Variants in CREBZF observed in about 807,000 individuals in gnomAD.
CREBZF encodes CREB/ATF bZIP transcription factor.
CREBZF carries 8 observed loss-of-function variants against 21.1 expected under a neutral mutation model. The ratio of observed to expected loss-of-function variants is 0.38; its 90% CI spans 0.22 to 0.68. CREBZF has a LOEUF of 0.68. Among genes scored for constraint, CREBZF ranks in the 30% least tolerant of loss-of-function variants. The pLI, the probability that CREBZF is intolerant of heterozygous loss-of-function variation, is 0.51. For missense variants in CREBZF, 518 were observed against 484.3 expected (o/e 1.07, Z -0.65); for synonymous variants, 270 against 223.3 (o/e 1.21, Z -1.86).
intron 1 of CREBZF, among the ~76,000 whole-genome samples, chr11:85,676,454 C>T (rs1438757337): frequency 6.6e-6 from 1 of 152,150 alleles, no homozygotes; most frequent in Non-Finnish European, 1.5e-5. Flanking sequence ...TGTACTCTGA[C>T]ACAAAATGAG....
rs547062134 is a variant in CREBZF at position 85,673,025 on chromosome 11, T to C, written n.148-9424A>G. Among the ~76,000 whole-genome samples, 4 of 152,334 alleles carry C rather than the reference T, an allele frequency of 2.6e-5. No homozygotes were observed. In the East Asian group the frequency reaches 7.7e-4, roughly 29 times the overall value. ...GAGGAAACCAAGGGTCCTTGCCTCATTTGCACCTTCCAAATATGGCTGCAG... is the reference window on the plus strand; with the variant it reads ...GAGGAAACCAAGGGTCCTTGCCTCACTTGCACCTTCCAAATATGGCTGCAG... On this transcript the variant is annotated intron_variant and non_coding_transcript_variant, in intron 1 of 3. Coordinates refer to the CREBZF transcript ENST00000531515.
At chr11:85,671,482 G>A (rs894009772) in intron 1 of CREBZF, among the ~76,000 whole-genome samples, 11 of 152,296 alleles carry the variant, frequency 7.2e-5, no homozygotes, top group Non-Finnish European at 1.5e-4. Flanking sequence ...ACAGTCCAAA[G>A]TCTCATTGGA....
At chr11:85,671,372 A>G (rs1475352992) in intron 1 of CREBZF, among the ~76,000 whole-genome samples, 1 of 152,218 alleles carries the variant, frequency 6.6e-6, no homozygotes, top group Non-Finnish European at 1.5e-5. Context: ...GCCAAACAAC[A>G]TAATTCTGCT....
At position 85,663,682 on chromosome 11, in the gene CREBZF, TAAGA is replaced by T; in HGVS notation, c.*125_*128del. The T allele has an allele frequency of 6.2e-7, 1 of 1,610,290 alleles. No homozygotes were observed. The highest frequency in any genetic ancestry group is 8.5e-7 in the Non-Finnish European group (1 of 1,178,438). ...CATTCATGCTTTTAGCTAAACACTT[TAAGA>T]TTCAATATTACTTTTTTTCTCTCCT... is the stretch of plus-strand genomic sequence containing the variant. On this transcript the variant is annotated 3_prime_UTR_variant, in exon 1 of 1. Transcript: ENST00000527447.
chr11:85,669,404 AC>A (rs2082896148), upstream of CREBZF, among the ~76,000 whole-genome samples: 1 of 9,932 alleles, frequency 1.0e-4, no homozygotes, highest in African/African-American at 2.2e-3. Context: ...GTCATTCTAC[AC>A]ACACACACAC....
chr11:85,680,168 T>C (rs2082967604), intron 1 of CREBZF, among the ~76,000 whole-genome samples: 1 of 152,214 alleles, frequency 6.6e-6, no homozygotes, highest in Admixed American at 6.5e-5. Flanking sequence ...GAATATAGTA[T>C]AATATGGATA....
At position 85,662,620 on chromosome 11, in the gene CREBZF, T is replaced by C. The variant is rs1591477250; in HGVS notation, c.*1191A>G. Reference sequence around the variant, plus strand: ...GGGAATAAATCCCACCTTAGGAAAATAGTACCAATCGTGTCATTTAAGTGG... The same window carrying C: ...GGGAATAAATCCCACCTTAGGAAAACAGTACCAATCGTGTCATTTAAGTGG... On this transcript the variant is annotated 3_prime_UTR_variant, in exon 1 of 1. Coordinates refer to ENST00000527447, the MANE Select transcript of CREBZF (RefSeq NM_001039618.4). The C allele has an allele frequency of 6.0e-6, 3 of 497,148 alleles. No homozygotes were observed. Among genetic ancestry groups the C allele is most frequent in the South Asian group, 3.7e-5 (1 of 26,940 alleles). The allele number at this position is 497,148 out of a possible 1,614,324, so 30.8% of individuals were successfully genotyped here.
chr11:85,664,775 T>G lies in CREBZF; in HGVS notation c.101A>C (p.Asp34Ala), dbSNP rs750491147. The change falls in exon 1 of 1, where the codon GAC becomes GCC. Residue 34 changes from aspartate to alanine, a missense_variant. Asp to Ala is a moderately radical substitution (Grantham distance 126). Around this residue, in one of 3 missense-constraint regions of CREBZF, gnomAD observed 396 missense variants for 324.4 expected, o/e 1.22. Transcript: ENST00000527447. The surrounding 1 kb of genome is among the most constrained non-coding windows in gnomAD (Gnocchi z 5.5). The part of the protein sequence containing the change: ...EPAATCSLPS[D>A]LTRAAAGEEE... ...CTCCCCCGCTGCAGCCCGGGTCAGG[T>G]CAGAGGGCAGCGAACAAGTTGCAGC... The G allele has an allele frequency of 6.3e-7, 1 of 1,594,822 alleles. No individual in the cohort carries two copies. Among genetic ancestry groups the G allele is most frequent in the Non-Finnish European group, 8.5e-7 (1 of 1,173,608 alleles).
intron 1 of CREBZF, among the ~76,000 whole-genome samples, chr11:85,676,968 G>GTTTTTTTTTTTTTT (rs1565814476): frequency 7.3e-5 from 6 of 82,428 alleles, no homozygotes; most frequent in African/African-American, 1.1e-4. Flanking sequence ...TTCTTTTTCT[G>GTTTTTTTTTTTTTT]TCTTTTTTTT....
At chr11:85,673,677 T>A (rs2082926594) in intron 1 of CREBZF, among the ~76,000 whole-genome samples, 1 of 152,186 alleles carries the variant, frequency 6.6e-6, no homozygotes, top group Non-Finnish European at 1.5e-5. Flanking sequence ...CAACTGACAC[T>A]TCCTTTCATG....
In CREBZF at chr11:85,663,767, G is replaced by C; in HGVS notation, c.*44C>G. The C allele has an allele frequency of 3.8e-6, 6 of 1,583,456 alleles. No individual in the cohort carries two copies. Among genetic ancestry groups the C allele is most frequent in the Non-Finnish European group, 4.3e-6 (5 of 1,166,324 alleles). On this transcript the variant is annotated 3_prime_UTR_variant, in exon 1 of 1. Coordinates refer to ENST00000527447, the MANE Select transcript of CREBZF (RefSeq NM_001039618.4). Reference sequence around the variant, plus strand: ...AAGGTAAGTTTGACATGGTGTAAGGGAGTTGAAAGGGGTAAACGCGGATAA... The same window carrying C: ...AAGGTAAGTTTGACATGGTGTAAGGCAGTTGAAAGGGGTAAACGCGGATAA...
intron 1 of CREBZF, among the ~76,000 whole-genome samples, chr11:85,678,678 A>G (rs138158788): frequency 2.1e-4 from 32 of 152,302 alleles, no homozygotes; most frequent in Non-Finnish European, 4.1e-4. Context: ...AGCCTTTTGG[A>G]TAATTCTTTT....
chr11:85,673,239 G>T (rs943083500), intron 1 of CREBZF, among the ~76,000 whole-genome samples: 1 of 152,198 alleles, frequency 6.6e-6, no homozygotes, highest in Non-Finnish European at 1.5e-5. Context: ...CTATAGCAGA[G>T]AATTGGAGCA....
chr11:85,680,306 T>A (rs1267017136), intron 1 of CREBZF, among the ~76,000 whole-genome samples: 3 of 152,264 alleles, frequency 2.0e-5, no homozygotes, highest in Non-Finnish European at 4.4e-5. Context: ...ACCTGTTCCC[T>A]ATTGATGGTA....
chr11:85,679,209 A>G (rs895602001), intron 1 of CREBZF, among the ~76,000 whole-genome samples: 6 of 152,206 alleles, frequency 3.9e-5, no homozygotes, highest in African/African-American at 1.4e-4. Context: ...TACACATTCT[A>G]CAGATACCTT....
chr11:85,670,734 A>G (rs2082906444), intron 1 of CREBZF, among the ~76,000 whole-genome samples: 1 of 152,212 alleles, frequency 6.6e-6, no homozygotes, highest in Admixed American at 6.5e-5. Context: ...ATAGATTAGA[A>G]GAAGAGGTTG....
chr11:85,665,771 A>T (rs1337293192), upstream of CREBZF, among the ~76,000 whole-genome samples: 2 of 152,166 alleles, frequency 1.3e-5, no homozygotes, highest in Non-Finnish European at 2.9e-5. Flanking sequence ...CTTGAGCCAA[A>T]ATCCAATCAG....
Position 85,663,883 on chromosome 11 carries a change from C to T in CREBZF, c.993G>A (p.Val331=). 6.2e-7 allele frequency: 1 copy of T among 1,612,358 alleles called. No individual in the cohort carries two copies. Among genetic ancestry groups the T allele is most frequent in the African/African-American group, 1.3e-5 (1 of 74,978 alleles). ...DDSAGGVCLH[V]DKDKVSVEFC... ...ACTCCACCGACACCTTATCCTTGTC[C>T]ACATGGAGACAGACTCCTCCCGCCG... Residue 331 remains valine, a synonymous_variant, in exon 1 of 1, where the codon GTG becomes GTA. Transcript: ENST00000527447.
intron 1 of CREBZF, among the ~76,000 whole-genome samples, chr11:85,676,894 T>G (rs1204648208): frequency 6.7e-6 from 1 of 148,736 alleles, no homozygotes; most frequent in African/African-American, 2.5e-5. Flanking sequence ...TCCGCTTGCC[T>G]CGGCCTCCCA....
Sources: allele counts gnomAD v4.1 joint callset (sites outside exome capture counted in the v4.1 genomes callset), GRCh38; gene constraint gnomAD v4.1.1; regional missense constraint gnomAD v4.1.1; non-coding constraint Gnocchi (gnomAD v3.1); transcripts MANE v1.5; gene names NCBI Gene and HGNC (gene_info 2026-07-23, HGNC 2026-07-21).